The following STPG2 variants were observed in gnomAD, a reference collection of about 807,000 sequenced individuals.
STPG2 encodes the protein sperm tail PG-rich repeat containing 2.
STPG2 carries 56 observed loss-of-function variants against 54.2 expected under a neutral mutation model. The ratio of observed to expected loss-of-function variants is 1.03; its 90% confidence interval spans 0.83 to 1.29. STPG2 has a LOEUF of 1.29. Ranked by LOEUF, STPG2 falls within the 50% of genes most tolerant of loss-of-function variation. The probability of loss-of-function intolerance (pLI) is 0.00; values close to 1 mark genes in which losing one functional copy is unlikely to be tolerated. For synonymous variants in STPG2, 200 were observed against 181.8 expected, an observed-to-expected ratio of 1.10 and a Z score of -0.81; for missense variants, 596 against 544.9, an observed-to-expected ratio of 1.09 and a Z score of -0.93.
At chr4:97,467,180 C>A (rs1337428022) in intron 4 of STPG2, among the ~76,000 whole-genome samples, 1 of 151,846 alleles carries the variant, frequency 6.6e-6, no homozygotes, top group Non-Finnish European at 1.5e-5. Flanking sequence ...GACTTTATTA[C>A]AATCAAAATC....
intron 5 of STPG2, among the ~76,000 whole-genome samples, chr4:97,993,003 G>A (rs1460160986): frequency 6.6e-6 from 1 of 152,120 alleles, no homozygotes; most frequent in East Asian, 1.9e-4. Context: ...AGGTCTTCAG[G>A]TATATGATAA....
rs147644397 is a variant in STPG2 at position 98,005,299 on chromosome 4, C to T, written c.613-23981G>A. 8.1e-3 allele frequency among the ~76,000 whole-genome samples: 1,230 copies of T among 152,232 alleles called. 7 individuals are homozygous for T. Among genetic ancestry groups the T allele is most frequent in the Non-Finnish European group, 0.013 (901 of 67,998 alleles). On this transcript the variant is annotated intron_variant, in intron 5 of 10. Transcript: ENST00000295268. ...TGACTCAAATGTTAATCTCCTTTGG[C>T]AACACCCTCACAGACACACCTAGGA... is the stretch of plus-strand genomic sequence containing the variant.
intron 4 of STPG2, among the ~76,000 whole-genome samples, chr4:97,533,524 T>C (rs1017427242): frequency 1.3e-5 from 2 of 152,164 alleles, no homozygotes; most frequent in African/African-American, 2.4e-5. Flanking sequence ...ATTTGAATCA[T>C]ATATAACATT....
chr4:97,514,329 A>C (rs1226947459), intron 4 of STPG2, among the ~76,000 whole-genome samples: 1 of 152,050 alleles, frequency 6.6e-6, no homozygotes, highest in Non-Finnish European at 1.5e-5. Flanking sequence ...GAAGAAACAG[A>C]ATTTAGAGGA....
At chr4:97,976,194 T>C (rs1161075959) in intron 6 of STPG2, among the ~76,000 whole-genome samples, 1 of 152,186 alleles carries the variant, frequency 6.6e-6, no homozygotes, top group Non-Finnish European at 1.5e-5. Context: ...AAAACCTAAG[T>C]GCTAATATAT....
At chr4:97,675,731 T>C (rs1448051078) in intron 10 of STPG2, among the ~76,000 whole-genome samples, 1 of 151,622 alleles carries the variant, frequency 6.6e-6, no homozygotes, top group Non-Finnish European at 1.5e-5. Context: ...CCTTCCCTCC[T>C]GGGTTGACTT....
intron 10 of STPG2, among the ~76,000 whole-genome samples, chr4:97,655,088 T>C (rs1028607081): frequency 6.6e-6 from 1 of 152,082 alleles, no homozygotes; most frequent in African/African-American, 2.4e-5. Flanking sequence ...CTTTCTACTA[T>C]GCATTTTATA....
chr4:97,763,540 C>T lies in STPG2; in HGVS notation c.1205-50726G>A, dbSNP rs531984358. 6.6e-5 allele frequency among the ~76,000 whole-genome samples: 10 copies of T among 152,262 alleles called. No homozygotes were observed. In the East Asian group the frequency reaches 1.4e-3, roughly 21 times the overall value. ...GTAACTAAGGCAAATAGAGAACCTA[C>T]AAGTAGGGACCAAATATTCCAGTTT... On this transcript the variant is annotated intron_variant, in intron 9 of 10. Coordinates refer to ENST00000295268, the MANE Select transcript of STPG2 (RefSeq NM_174952.3).
chr4:98,080,662 T>G (rs993975084), intron 5 of STPG2, among the ~76,000 whole-genome samples: 1 of 152,144 alleles, frequency 6.6e-6, no homozygotes, highest in African/African-American at 2.4e-5. Context: ...AAAAAATAAG[T>G]TGATGTCTTC....
chr4:97,908,063 C>G (rs58457768), intron 8 of STPG2, among the ~76,000 whole-genome samples: 55,159 of 151,326 alleles, frequency 0.36, 10,129 homozygotes, highest in Middle Eastern at 0.43. Context: ...AAAGAAACTA[C>G]CATCAGAGTG....
Position 97,936,368 on chromosome 4 carries a change from T to C in STPG2, c.1044+7529A>G, listed in dbSNP as rs186101811. Among the ~76,000 whole-genome samples the C allele has an allele frequency of 2.6e-4, 40 of 152,344 alleles. No homozygotes were observed. In the East Asian group the frequency reaches 6.0e-3, roughly 23 times the overall value. ...TGCTTTTTAACTGGGGCATTTAGCCTATTTACATTTGAGGTTAACATTGTT... is the reference window on the plus strand; with the variant it reads ...TGCTTTTTAACTGGGGCATTTAGCCCATTTACATTTGAGGTTAACATTGTT... On this transcript the variant is annotated intron_variant, in intron 8 of 10. Coordinates refer to ENST00000295268, the MANE Select transcript of STPG2 (RefSeq NM_174952.3).
At chr4:98,098,007 C>T (rs4699598) in intron 5 of STPG2, among the ~76,000 whole-genome samples, 60,163 of 151,842 alleles carry the variant, frequency 0.4, 12,154 homozygotes, top group Middle Eastern at 0.47. Context: ...CCTTGTTCAT[C>T]GATTGGAAGA....
chr4:97,888,630 A>G lies in STPG2; in HGVS notation c.1045-47698T>C, dbSNP rs1027693387. Among the ~76,000 whole-genome samples, 3 of 152,184 alleles carry G rather than the reference A, an allele frequency of 2.0e-5. No individual in the cohort carries two copies. In the East Asian group the frequency reaches 5.8e-4, roughly 29 times the overall value. ...GGCAGAACACACTGCCTTGTCTCAT[A>G]TAAGACTTTGGACTGTGTACTTTTG... On this transcript the variant is annotated intron_variant, in intron 8 of 10. Coordinates refer to ENST00000295268, the MANE Select transcript of STPG2 (RefSeq NM_174952.3).
chr4:97,645,605 A>G (rs1291003960), intron 10 of STPG2, among the ~76,000 whole-genome samples: 2 of 152,112 alleles, frequency 1.3e-5, no homozygotes, highest in Admixed American at 6.6e-5. Context: ...ATTCTCATTT[A>G]TGATCATGGG....
At chr4:98,080,770 C>A (rs1167248597) in intron 5 of STPG2, among the ~76,000 whole-genome samples, 1 of 152,178 alleles carries the variant, frequency 6.6e-6, no homozygotes, top group African/African-American at 2.4e-5. Context: ...AACATGCAAC[C>A]AGCAGTGCTT....
intron 10 of STPG2, among the ~76,000 whole-genome samples, chr4:97,581,068 C>A (rs1732852227): frequency 6.6e-6 from 1 of 152,028 alleles, no homozygotes; most frequent in Middle Eastern, 3.2e-3. Flanking sequence ...CTTTTACACT[C>A]TAGAGCTGTG....
chr4:97,465,066 G>C (rs961438139), intron 4 of STPG2, among the ~76,000 whole-genome samples: 6 of 152,130 alleles, frequency 3.9e-5, no homozygotes, highest in Non-Finnish European at 8.8e-5. Context: ...ATTCAGGCTA[G>C]GAGAACTTGT....
chr4:97,934,129 T>C (rs1431441796), intron 8 of STPG2, among the ~76,000 whole-genome samples: 1 of 152,154 alleles, frequency 6.6e-6, no homozygotes, highest in Non-Finnish European at 1.5e-5. Context: ...GTAGCAAGTG[T>C]GAATGGGAAT....
intron 8 of STPG2, among the ~76,000 whole-genome samples, chr4:97,863,884 T>G (rs1729658280): frequency 6.6e-6 from 1 of 152,092 alleles, no homozygotes; most frequent in African/African-American, 2.4e-5. Flanking sequence ...GAAAAGGCCT[T>G]TGACAAAATT....
Sources: gnomAD v4.1 joint callset for allele counts (sites outside exome capture counted in the v4.1 genomes callset) on GRCh38, gnomAD v4.1.1 for gene constraint, MANE v1.5 for transcripts, NCBI Gene and HGNC (gene_info 2026-07-23, HGNC 2026-07-21) for gene names.